KCNN3: variants seen among roughly 807,000 people sequenced by gnomAD.
KCNN3 encodes the protein potassium calcium-activated channel subfamily N member 3, also known as small conductance calcium-activated potassium channel protein 3.
KCNN3 carries 16 observed loss-of-function variants against 62.9 expected under a neutral mutation model. That is an observed-to-expected ratio of 0.25 (90% CI 0.17 to 0.39). The LOEUF is 0.39. Ranked by LOEUF, KCNN3 falls within the 10% of genes least tolerant of loss-of-function variation. The pLI, the probability that KCNN3 is intolerant of heterozygous loss-of-function variation, is 1.00. For missense variants in KCNN3, 599 were observed against 949.4 expected (o/e 0.63, Z 4.85); for synonymous variants, 370 against 389.2 (o/e 0.95, Z 0.58).
At chr1:154,821,442 C>T (rs1016813001) in intron 2 of KCNN3, among the ~76,000 whole-genome samples, 18 of 152,210 alleles carry the variant, frequency 1.2e-4, no homozygotes, top group African/African-American at 4.1e-4. Context: ...CCTCCTGGCC[C>T]GGGTTGAACC....
chr1:154,825,068 T>G (rs1651049656), intron 1 of KCNN3, among the ~76,000 whole-genome samples: 1 of 152,242 alleles, frequency 6.6e-6, no homozygotes, highest in South Asian at 2.1e-4. Flanking sequence ...TTTGGTAAAA[T>G]GTTGAATTAG....
chr1:154,768,674 C>T (rs1026880757), intron 3 of KCNN3, among the ~76,000 whole-genome samples: 2 of 152,196 alleles, frequency 1.3e-5, no homozygotes, highest in Admixed American at 6.5e-5. Flanking sequence ...AAGAGAGGGA[C>T]TCAGTCACAA....
intron 1 of KCNN3, among the ~76,000 whole-genome samples, chr1:154,826,180 C>T (rs986061482): frequency 2.0e-5 from 3 of 151,664 alleles, no homozygotes; most frequent in Non-Finnish European, 2.9e-5. Flanking sequence ...GACCCCAAAA[C>T]GATATGTAGT....
At chr1:154,795,404 G>A (rs904072146) in intron 2 of KCNN3, among the ~76,000 whole-genome samples, 11 of 152,148 alleles carry the variant, frequency 7.2e-5, no homozygotes, top group Non-Finnish European at 1.5e-4. Context: ...TGGTAGTGTC[G>A]AGTCCCCCAC....
chr1:154,761,609 C>T (rs2101827893), intron 3 of KCNN3, among the ~76,000 whole-genome samples: 1 of 152,152 alleles, frequency 6.6e-6, no homozygotes, highest in African/African-American at 2.4e-5. Flanking sequence ...AATATTACAT[C>T]ATGAATATTT....
At chr1:154,850,293 G>T (rs1652251220) in intron 1 of KCNN3, among the ~76,000 whole-genome samples, 2 of 152,276 alleles carry the variant, frequency 1.3e-5, no homozygotes, top group South Asian at 4.1e-4. Context: ...TTAAATCACT[G>T]AAGTCCTGCA....
At chr1:154,830,749 C>T (rs1651348840) in intron 1 of KCNN3, among the ~76,000 whole-genome samples, 1 of 152,128 alleles carries the variant, frequency 6.6e-6, no homozygotes, top group African/African-American at 2.4e-5. Flanking sequence ...GGGTGGCCTA[C>T]TAATTTTTAG....
At chr1:154,791,192 G>A (rs574861424) in intron 2 of KCNN3, among the ~76,000 whole-genome samples, 101 of 140,268 alleles carry the variant, frequency 7.2e-4, no homozygotes, top group Non-Finnish European at 1.4e-3. Context: ...TCGCACCACC[G>A]CACTCCAGCC....
chr1:154,854,841 T>C (rs1308583185), intron 1 of KCNN3, among the ~76,000 whole-genome samples: 2 of 152,314 alleles, frequency 1.3e-5, no homozygotes, highest in East Asian at 1.9e-4. Context: ...AAAAAACTTA[T>C]AGAGTAAGAA....
intron 3 of KCNN3, among the ~76,000 whole-genome samples, chr1:154,766,804 C>T (rs551956608): frequency 2.7e-5 from 4 of 150,322 alleles, no homozygotes; most frequent in Admixed American, 1.3e-4. Context: ...CCCAGCCTCC[C>T]GAGTAGCTGG....
intron 2 of KCNN3, among the ~76,000 whole-genome samples, chr1:154,778,756 C>T (rs1248249068): frequency 6.6e-6 from 1 of 151,814 alleles, no homozygotes; most frequent in African/African-American, 2.4e-5. Context: ...CACCCACAAC[C>T]ACACTTGGCT....
intron 1 of KCNN3, among the ~76,000 whole-genome samples, chr1:154,847,900 A>T (rs1379139395): frequency 6.6e-6 from 1 of 152,262 alleles, no homozygotes; most frequent in Non-Finnish European, 1.5e-5. Context: ...CAGGGAGACC[A>T]GGCAACTTGC....
chr1:154,784,461 C>T lies in KCNN3; in HGVS notation c.1030-12068G>A, dbSNP rs186493185. 6.6e-5 allele frequency among the ~76,000 whole-genome samples: 10 copies of T among 152,346 alleles called. No individual in the cohort carries two copies. In the East Asian group the frequency reaches 1.7e-3, roughly 26 times the overall value. On this transcript the variant is annotated intron_variant, in intron 2 of 7. Coordinates refer to ENST00000271915, the MANE Select transcript of KCNN3 (RefSeq NM_002249.6). ...CGCCCTTCCATCTTCTGTACAAGCACTCCCTCTTCTCAGCTTCTTCACCAG... is the reference window on the plus strand; with the variant it reads ...CGCCCTTCCATCTTCTGTACAAGCATTCCCTCTTCTCAGCTTCTTCACCAG...
chr1:154,725,310 C>T (rs1224263635), intron 5 of KCNN3, among the ~76,000 whole-genome samples: 7 of 152,052 alleles, frequency 4.6e-5, no homozygotes, highest in East Asian at 1.9e-4. Flanking sequence ...TGCCTCATAC[C>T]GTGATTTATT....
At chr1:154,805,979 G>C (rs1650158440) in intron 2 of KCNN3, among the ~76,000 whole-genome samples, 1 of 152,196 alleles carries the variant, frequency 6.6e-6, no homozygotes. Context: ...CCTTAAATAT[G>C]GAAAAGAGAA....
intron 5 of KCNN3, among the ~76,000 whole-genome samples, chr1:154,723,202 T>A (rs12087736): frequency 0.073 from 11,164 of 152,266 alleles, 501 homozygotes; most frequent in Middle Eastern, 0.14. Flanking sequence ...CAGTTTCATT[T>A]CAATTAAGGT....
chr1:154,726,145 G>C, intron 4 of KCNN3, 119 bp from the exon 5 acceptor site: 1 of 710,054 alleles, frequency 1.4e-6, no homozygotes, highest in Non-Finnish European at 2.4e-6. Flanking sequence ...GTGGGAACTT[G>C]AGCTCTCTGG....
At chr1:154,832,814 G>T (rs1362383367) in intron 1 of KCNN3, among the ~76,000 whole-genome samples, 1 of 152,168 alleles carries the variant, frequency 6.6e-6, no homozygotes, top group African/African-American at 2.4e-5. Flanking sequence ...CTTGTCCCAG[G>T]CCTGGGCTTC....
chr1:154,801,795 C>T (rs1464057901), intron 2 of KCNN3, among the ~76,000 whole-genome samples: 1 of 152,154 alleles, frequency 6.6e-6, no homozygotes, highest in Non-Finnish European at 1.5e-5. Context: ...CTGACACCCC[C>T]GGAGGATGCA....
Sources: gnomAD v4.1 joint callset for allele counts (sites outside exome capture counted in the v4.1 genomes callset) on GRCh38, gnomAD v4.1.1 for gene constraint, MANE v1.5 for transcripts, NCBI Gene and HGNC (gene_info 2026-07-23, HGNC 2026-07-21) for gene names.